The following SLC4A10 variants were observed in gnomAD, a reference collection of about 807,000 sequenced individuals.
The protein encoded by SLC4A10 is solute carrier family 4 member 10.
A neutral mutation model predicts 137.7 loss-of-function variants in SLC4A10; 42 were observed. The ratio of observed to expected loss-of-function variants is 0.30; its 90% CI spans 0.24 to 0.39. SLC4A10 has a LOEUF of 0.39. Ranked by LOEUF, SLC4A10 falls within the 10% of genes least tolerant of loss-of-function variation. The probability of loss-of-function intolerance (pLI) is 1.00; values close to 1 mark genes in which losing one functional copy is unlikely to be tolerated. For synonymous variants in SLC4A10, 474 were observed against 464.1 expected, an observed-to-expected ratio of 1.02 and a Z score of -0.27; for missense variants, 925 against 1,355.0, an observed-to-expected ratio of 0.68 and a Z score of 4.98.
chr2:161,707,558 A>T (rs2043820357), intron 1 of SLC4A10, among the ~76,000 whole-genome samples: 1 of 151,150 alleles, frequency 6.6e-6, no homozygotes, highest in South Asian at 2.1e-4. Flanking sequence ...TTTTTGAGAT[A>T]TTGATTCTAT....
chr2:161,834,109 C>A (rs992404082), intron 3 of SLC4A10, among the ~76,000 whole-genome samples: 2 of 152,234 alleles, frequency 1.3e-5, no homozygotes, highest in South Asian at 2.1e-4. Context: ...ATTGGTACAT[C>A]CTCCAAATGG....
intron 1 of SLC4A10, among the ~76,000 whole-genome samples, chr2:161,699,223 T>C (rs2042882033): frequency 6.6e-6 from 1 of 152,124 alleles, no homozygotes; most frequent in Non-Finnish European, 1.5e-5. Context: ...GGTTTCACTG[T>C]GTTAGCGAAG....
intron 2 of SLC4A10, among the ~76,000 whole-genome samples, chr2:161,796,510 C>G (rs961780454): frequency 6.6e-6 from 1 of 152,146 alleles, no homozygotes. Flanking sequence ...CAGGTAAGAA[C>G]CTATGCATAA....
chr2:161,936,531 G>A (rs547651072), intron 15 of SLC4A10, among the ~76,000 whole-genome samples: 2 of 152,120 alleles, frequency 1.3e-5, no homozygotes, highest in African/African-American at 4.8e-5. Context: ...ATGTGTCTAG[G>A]AATTTATCCA....
At chr2:161,773,100 G>T (rs1040581132) in intron 2 of SLC4A10, among the ~76,000 whole-genome samples, 5 of 151,946 alleles carry the variant, frequency 3.3e-5, no homozygotes, top group Admixed American at 2.6e-4. Flanking sequence ...ATAAAGAAAA[G>T]AAATTGATAT....
chr2:161,748,916 C>T (rs769345383), intron 1 of SLC4A10, among the ~76,000 whole-genome samples: 7 of 151,902 alleles, frequency 4.6e-5, no homozygotes, highest in Non-Finnish European at 7.4e-5. Flanking sequence ...CATGAACATG[C>T]GATGTCTTTC....
intron 1 of SLC4A10, among the ~76,000 whole-genome samples, chr2:161,700,365 C>T (rs1443331580): frequency 6.6e-6 from 1 of 151,994 alleles, no homozygotes; most frequent in African/African-American, 2.4e-5. Context: ...ATTTCTTTGT[C>T]CCAGGATTGT....
chr2:161,648,367 G>A lies in SLC4A10; in HGVS notation c.48+23801G>A, dbSNP rs539892545. On this transcript the variant is annotated intron_variant, in intron 1 of 26. Transcript: ENST00000446997. ...GAAAACGTACAGTATATGCTATTGA[G>A]TGTTAAGGACTTGGCTCCGCTGACT... is the stretch of plus-strand genomic sequence containing the variant. 1.1e-4 allele frequency among the ~76,000 whole-genome samples: 17 copies of A among 152,272 alleles called. No homozygotes were observed. The East Asian group carries it at 2.3e-3, about 21-fold the overall frequency.
chr2:161,756,439 AT>A (rs2049656257), intron 1 of SLC4A10, among the ~76,000 whole-genome samples: 1 of 152,232 alleles, frequency 6.6e-6, no homozygotes. Context: ...GTTGTATTGC[AT>A]AACAACTGTA....
chr2:161,900,951 C>A lies in SLC4A10; in HGVS notation c.1382C>A (p.Ala461Asp). 6.4e-7 allele frequency: 1 copy of A among 1,567,468 alleles called. No homozygotes were observed. The highest frequency in any genetic ancestry group is 1.9e-5 in the Admixed American group (1 of 53,376). The change falls in exon 12 of 27, where the codon GCT becomes GAT. Residue 461 changes from alanine (A) to aspartate (D), a missense_variant. Coordinates refer to ENST00000446997, the MANE Select transcript of SLC4A10 (RefSeq NM_001178015.2). ...CCTGCTGTACCAAATGGAACAGCAG[C>A]TCATGGGGAAGCAGAGCCCCACGGA... ...KIPAVPNGTA[A>D]HGEAEPHGGH...
chr2:161,652,714 A>AG (rs942562623), intron 1 of SLC4A10, among the ~76,000 whole-genome samples: 4 of 152,214 alleles, frequency 2.6e-5, no homozygotes, highest in Admixed American at 1.3e-4. Context: ...AGTTTGCATA[A>AG]CTGAGATTTT....
At chr2:161,954,692 G>A (rs1695350600) in intron 19 of SLC4A10, among the ~76,000 whole-genome samples, 1 of 152,106 alleles carries the variant, frequency 6.6e-6, no homozygotes, top group Admixed American at 6.6e-5. Flanking sequence ...TCAAGATGCT[G>A]CCATTGTTGT....
chr2:161,872,369 T>C lies in SLC4A10; in HGVS notation c.843T>C (p.Thr281=). The change falls in exon 7 of 27, where the codon ACT becomes ACC. Residue 281 remains threonine, a synonymous_variant. Transcript: ENST00000446997. The part of the protein sequence containing the change: ...NKNDVSRENS[T]VDFSKGLGGQ... ...ATGATGTTAGCAGAGAAAACAGCAC[T>C]GTTGACTTTAGCAAGGTGAGCTTTT... 6.2e-7 allele frequency: 1 copy of C among 1,613,472 alleles called. No individual in the cohort carries two copies. Among genetic ancestry groups the C allele is most frequent in the Non-Finnish European group, 8.5e-7 (1 of 1,179,566 alleles).
intron 10 of SLC4A10, among the ~76,000 whole-genome samples, chr2:161,883,306 C>T (rs1243393713): frequency 1.3e-5 from 2 of 152,020 alleles, no homozygotes; most frequent in Non-Finnish European, 2.9e-5. Context: ...TTTGAAAATT[C>T]TGTAAAAAGA....
intron 3 of SLC4A10, among the ~76,000 whole-genome samples, chr2:161,809,700 A>G (rs2056355102): frequency 6.6e-6 from 1 of 151,748 alleles, no homozygotes; most frequent in African/African-American, 2.4e-5. Flanking sequence ...GTTTGACTTT[A>G]TTTCTGGATT....
chr2:161,708,413 A>C (rs1254901953), intron 1 of SLC4A10, among the ~76,000 whole-genome samples: 2 of 151,564 alleles, frequency 1.3e-5, no homozygotes, highest in East Asian at 3.9e-4. Context: ...AGGACTGAAA[A>C]AATTCAACTC....
At chr2:161,960,131 C>T (rs981440080) in intron 21 of SLC4A10, among the ~76,000 whole-genome samples, 10 of 151,252 alleles carry the variant, frequency 6.6e-5, no homozygotes, top group African/African-American at 9.7e-5. Flanking sequence ...TTTGGGAAGC[C>T]GAGGTGGGCG....
intron 2 of SLC4A10, among the ~76,000 whole-genome samples, chr2:161,785,945 G>A (rs1021945752): frequency 2.6e-5 from 4 of 151,950 alleles, no homozygotes; most frequent in Non-Finnish European, 4.4e-5. Flanking sequence ...ATTTGGTCAA[G>A]AGTGCAGTTT....
intron 16 of SLC4A10, among the ~76,000 whole-genome samples, chr2:161,943,865 A>G (rs1693206969): frequency 6.6e-6 from 1 of 151,974 alleles, no homozygotes; most frequent in Non-Finnish European, 1.5e-5. Flanking sequence ...TACAGATACT[A>G]TAAAACTCTA....
Sources: gnomAD v4.1 joint callset for allele counts (sites outside exome capture counted in the v4.1 genomes callset) on GRCh38, gnomAD v4.1.1 for gene constraint, MANE v1.5 for transcripts, NCBI Gene and HGNC (gene_info 2026-07-23, HGNC 2026-07-21) for gene names.